Variants in GGNBP2 observed in about 807,000 individuals in gnomAD.
The protein encoded by GGNBP2 is gametogenetin binding protein 2, also known as gametogenetin-binding protein 2.
GGNBP2 carries 10 observed loss-of-function variants against 85.9 expected under a neutral mutation model. The observed-to-expected ratio is 0.12, with a 90% CI of 0.07 to 0.20. The LOEUF (loss-of-function observed/expected upper bound fraction) is 0.20, where lower values mean the gene tolerates loss of function less well. Ranked by LOEUF, GGNBP2 falls within the 10% of genes least tolerant of loss-of-function variation. The pLI is 1.00. For synonymous variants in GGNBP2, 287 were observed against 285.7 expected, an observed-to-expected ratio of 1.00 and a Z score of -0.05; for missense variants, 595 against 857.8, an observed-to-expected ratio of 0.69 and a Z score of 3.83.
chr17:36,549,369 A>AT (rs907870153), intron 2 of GGNBP2, among the ~76,000 whole-genome samples: 4 of 152,030 alleles, frequency 2.6e-5, no homozygotes, highest in African/African-American at 7.2e-5. Context: ...CGCCCAGCTA[A>AT]TTTTTTTGTA....
chr17:36,585,168 G>T, intron 9 of GGNBP2, 132 bp from the exon 10 acceptor site: 1 of 706,104 alleles, frequency 1.4e-6, no homozygotes, highest in East Asian at 2.8e-5. Flanking sequence ...CTTTTGTACT[G>T]TCAGTGTAAA....
intron 13 of GGNBP2, chr17:36,587,507 T>C (rs1397012873): frequency 3.9e-5 from 17 of 437,466 alleles, no homozygotes; most frequent in Non-Finnish European, 6.7e-5. Context: ...GGGGTTACAT[T>C]CCAATAAACC....
chr17:36,567,127 C>T (rs530131814), intron 5 of GGNBP2, among the ~76,000 whole-genome samples: 50 of 152,174 alleles, frequency 3.3e-4, no homozygotes, highest in African/African-American at 1.1e-3. Context: ...ATAATTTTTT[C>T]GGTCATTTTG....
Position 36,577,966 on chromosome 17 carries a change from GT to G in GGNBP2, c.642-12del, listed in dbSNP as rs757588893. On this transcript the variant is annotated splice_polypyrimidine_tract_variant and intron_variant, in intron 6 of 13. Coordinates refer to ENST00000613102, the MANE Select transcript of GGNBP2 (RefSeq NM_024835.5). ...TGCACAGCCATTTCTTAATTTTAAG[GT>G]TTTTCTTTTCAACAGGTTTTGCACT... 6 of 1,601,682 alleles carry G rather than the reference GT, an allele frequency of 3.7e-6. No homozygotes were observed. The highest frequency in any genetic ancestry group is 5.1e-6 in the Non-Finnish European group (6 of 1,169,692).
At chr17:36,577,210 G>T (rs1329378934) in intron 6 of GGNBP2, 1 of 152,140 alleles carries the variant, frequency 6.6e-6, no homozygotes, top group Non-Finnish European at 1.5e-5. Flanking sequence ...CAAAGATAAA[G>T]AAACCAGGCT....
At chr17:36,583,304 A>C in intron 9 of GGNBP2, among the ~76,000 whole-genome samples, 1 of 151,970 alleles carries the variant, frequency 6.6e-6, no homozygotes, top group East Asian at 1.9e-4. Context: ...CGCCCGCCTC[A>C]GCCTCCCAAA....
intron 6 of GGNBP2, among the ~76,000 whole-genome samples, chr17:36,575,626 ATATATATATATATATATATATATT>A (rs1467303492): frequency 4.7e-5 from 2 of 42,456 alleles, no homozygotes; most frequent in Non-Finnish European, 8.9e-5. Flanking sequence ...ATATATATAT[ATATATATATATATATATATATATT>A]TTTTTTTTTT....
intron 4 of GGNBP2, 152 bp downstream of exon 4, chr17:36,557,488 C>G: frequency 1.5e-6 from 1 of 676,758 alleles, no homozygotes; most frequent in Non-Finnish European, 2.5e-6. Context: ...AGTTTCAACT[C>G]TCCACGTGGG....
intron 2 of GGNBP2, among the ~76,000 whole-genome samples, chr17:36,551,249 C>A (rs1360853117): frequency 6.6e-6 from 1 of 150,564 alleles, no homozygotes; most frequent in East Asian, 2.0e-4. Flanking sequence ...TCTTGTCGCT[C>A]AAGCTGGCGT....
intron 5 of GGNBP2, 30 bp downstream of exon 5, chr17:36,560,901 G>A: frequency 8.9e-7 from 1 of 1,118,432 alleles, no homozygotes. Flanking sequence ...AAGAGGCTTT[G>A]TCATTGTTAA....
chr17:36,585,198 C>T, intron 9 of GGNBP2, 102 bp from the exon 10 acceptor site: 1 of 980,528 alleles, frequency 1.0e-6, no homozygotes, highest in African/African-American at 1.7e-5. Context: ...AGTGAAAATG[C>T]CACATCTTAC....
intron 5 of GGNBP2, among the ~76,000 whole-genome samples, chr17:36,566,287 C>T (rs2074467807): frequency 1.3e-5 from 2 of 152,152 alleles, no homozygotes; most frequent in Admixed American, 1.3e-4. Context: ...TGCAACAAAG[C>T]AAAATGTGTG....
intron 3 of GGNBP2, among the ~76,000 whole-genome samples, chr17:36,556,450 A>C (rs549574762): frequency 6.6e-6 from 1 of 152,348 alleles, no homozygotes; most frequent in South Asian, 2.1e-4. Flanking sequence ...TCACGCCTGT[A>C]ATCCGAGCAC....
intron 6 of GGNBP2, chr17:36,575,418 T>A (rs982402408): frequency 1.0e-5 from 2 of 192,832 alleles, no homozygotes; most frequent in African/African-American, 4.7e-5. Flanking sequence ...TAGTCCAGTG[T>A]CATGAAGAGT....
In GGNBP2 at chr17:36,587,142, C is replaced by G; in HGVS notation, c.1787C>G (p.Pro596Arg). 6.2e-7 allele frequency: 1 copy of G among 1,614,066 alleles called. No individual in the cohort carries two copies. Among genetic ancestry groups the G allele is most frequent in the Non-Finnish European group, 8.5e-7 (1 of 1,180,028 alleles). ...TCTGAAAAGGGTGGGCAGCCATTGC[C>G]TTGGTTTGAGCATAGGAAAAATGTA... ...CSSEKGGQPL[P>R]WFEHRKNVPQ... Residue 596 changes from proline (P) to arginine (R), a missense_variant, in exon 13 of 14, where the codon CCT becomes CGT. Coordinates refer to ENST00000613102, the MANE Select transcript of GGNBP2 (RefSeq NM_024835.5).
chr17:36,577,188 G>C (rs2074599892), intron 6 of GGNBP2: 1 of 152,094 alleles, frequency 6.6e-6, no homozygotes, highest in African/African-American at 2.4e-5. Context: ...AGTTCTTCTT[G>C]TTCCAGGAAT....
chr17:36,565,403 T>G (rs2074457852), intron 5 of GGNBP2, among the ~76,000 whole-genome samples: 1 of 152,148 alleles, frequency 6.6e-6, no homozygotes, highest in African/African-American at 2.4e-5. Flanking sequence ...AGGTCTAGAA[T>G]GTTTATAAAT....
intron 5 of GGNBP2, among the ~76,000 whole-genome samples, chr17:36,564,050 T>C (rs996917475): frequency 6.6e-6 from 1 of 152,226 alleles, no homozygotes; most frequent in Non-Finnish European, 1.5e-5. Flanking sequence ...TGGCCCAATT[T>C]GTCAGTATCT....
intron 6 of GGNBP2, among the ~76,000 whole-genome samples, chr17:36,569,389 C>T (rs2074500766): frequency 1.3e-5 from 2 of 152,094 alleles, no homozygotes; most frequent in Non-Finnish European, 2.9e-5. Flanking sequence ...TCCAACGGAG[C>T]AAGACTCCGT....
Sources: gnomAD v4.1 joint callset for allele counts (sites outside exome capture counted in the v4.1 genomes callset) on GRCh38, gnomAD v4.1.1 for gene constraint, MANE v1.5 for transcripts, NCBI Gene and HGNC (gene_info 2026-07-23, HGNC 2026-07-21) for gene names.